Variants in EFCAB14 observed in about 807,000 individuals in gnomAD.
EFCAB14 encodes EF-hand calcium-binding domain-containing protein 14.
A neutral mutation model predicts 56.5 loss-of-function variants in EFCAB14; 43 were observed. The ratio of observed to expected loss-of-function variants is 0.76; its 90% CI spans 0.60 to 0.98. The LOEUF (loss-of-function observed/expected upper bound fraction) is 0.98, where lower values mean the gene tolerates loss of function less well. EFCAB14 is among the 50% of genes least tolerant of loss of function. EFCAB14 has a pLI of 0.00. For missense variants in EFCAB14, 538 were observed against 580.3 expected (o/e 0.93, Z 0.75); for synonymous variants, 235 against 212.9 (o/e 1.10, Z -0.90).
At chr1:46,692,388 T>C (rs1677007004) in intron 4 of EFCAB14, among the ~76,000 whole-genome samples, 1 of 152,238 alleles carries the variant, frequency 6.6e-6, no homozygotes, top group African/African-American at 2.4e-5. Context: ...ATTTGACTAT[T>C]ACAAATGAAG....
In EFCAB14 at chr1:46,709,930, T is replaced by C. The variant is rs900166881; in HGVS notation, c.335-1879A>G. On this transcript the variant is annotated intron_variant, in intron 2 of 10. Coordinates refer to ENST00000371933, the MANE Select transcript of EFCAB14 (RefSeq NM_014774.3). ...TTGAACCTGGGAGGTGGAGGTTGTG[T>C]TGAGCCAAGATCTTGCCACCGCACT... Among the ~76,000 whole-genome samples the C allele has an allele frequency of 9.9e-5, 15 of 152,050 alleles. No homozygotes were observed. The East Asian group carries it at 1.4e-3, about 14-fold the overall frequency.
intron 3 of EFCAB14, among the ~76,000 whole-genome samples, chr1:46,705,679 G>A (rs1475996095): frequency 6.6e-6 from 1 of 152,100 alleles, no homozygotes; most frequent in African/African-American, 2.4e-5. Context: ...GATAGGCTCT[G>A]GCCACTCATG....
In EFCAB14 at chr1:46,716,437, G is replaced by C. The variant is rs1157307455; in HGVS notation, c.192C>G (p.Asp64Glu). The part of the protein sequence containing the change: ...VGNRSRFAKG[D>E]YLRCCKICYP... ...AACAGATCTTGCAGCATCGTAAATA[G>C]TCTCCCCTGCTCAAGAGGACAAATT... Residue 64 changes from aspartate (D) to glutamate (E), a missense_variant, in exon 2 of 11, where the codon GAC becomes GAG. Asp to Glu is a conservative substitution (Grantham distance 45). Coordinates refer to ENST00000371933, the MANE Select transcript of EFCAB14 (RefSeq NM_014774.3). The C allele has an allele frequency of 6.2e-7, 1 of 1,613,816 alleles. No individual in the cohort carries two copies. Among genetic ancestry groups the C allele is most frequent in the Non-Finnish European group, 8.5e-7 (1 of 1,179,976 alleles).
At chr1:46,697,755 A>G (rs1439058916) in intron 3 of EFCAB14, among the ~76,000 whole-genome samples, 3 of 152,202 alleles carry the variant, frequency 2.0e-5, no homozygotes, top group Admixed American at 6.5e-5. Context: ...CTCTGCTCTC[A>G]TGGAGCATAC....
In EFCAB14 at chr1:46,676,777, C is replaced by A. The variant is rs1024602888; in HGVS notation, c.*1684G>T. 6.6e-6 allele frequency: 1 copy of A among 152,242 alleles called. No homozygotes were observed. The highest frequency in any genetic ancestry group is 1.5e-5 in the Non-Finnish European group (1 of 68,004). 9.4% of individuals were successfully genotyped at this position (152,242 alleles called of 1,614,324 possible). ...CTATAATGAGATAAGGGGACACATT[C>A]ATGGGAAAAGACTTCATCTTGCTTT... is the stretch of plus-strand genomic sequence containing the variant. On this transcript the variant is annotated 3_prime_UTR_variant, in exon 11 of 11. Coordinates refer to ENST00000371933, the MANE Select transcript of EFCAB14 (RefSeq NM_014774.3).
intron 2 of EFCAB14, among the ~76,000 whole-genome samples, chr1:46,714,560 G>C (rs1677358498): frequency 6.6e-6 from 1 of 152,164 alleles, no homozygotes; most frequent in Non-Finnish European, 1.5e-5. Context: ...GGGAGGCTGA[G>C]GCAGGCAGAT....
At position 46,678,251 on chromosome 1, in the gene EFCAB14, G is replaced by C. The variant is rs1482663317; in HGVS notation, c.*210C>G. ...AAAATGTAAGATCTTACTGGTTGTA[G>C]GAAATCATAGATTTCTGAACATCAT... On this transcript the variant is annotated 3_prime_UTR_variant, in exon 11 of 11. Transcript: ENST00000371933. The C allele has an allele frequency of 6.9e-6, 3 of 434,552 alleles. No homozygotes were observed. Among genetic ancestry groups the C allele is most frequent in the Admixed American group, 4.3e-5 (1 of 23,180 alleles). The allele number at this position is 434,552 out of a possible 1,614,324, so 26.9% of individuals were successfully genotyped here. A position where few individuals can be genotyped will look rare whatever the true frequency, so the allele number is the denominator to read the frequency against.
chr1:46,688,637 T>C (rs1369172321), intron 6 of EFCAB14, 93 bp from the exon 7 acceptor site: 2 of 1,072,154 alleles, frequency 1.9e-6, no homozygotes, highest in South Asian at 1.6e-5. Flanking sequence ...CTATGTCAAG[T>C]ACTGAAGTAA....
intron 2 of EFCAB14, among the ~76,000 whole-genome samples, chr1:46,708,257 A>C (rs1415318649): frequency 6.6e-6 from 1 of 152,216 alleles, no homozygotes; most frequent in Admixed American, 6.5e-5. Context: ...GCAACTTTTA[A>C]AAGTTAGCCA....
chr1:46,716,181 G>T, intron 2 of EFCAB14, 114 bp downstream of exon 2: 2 of 1,156,724 alleles, frequency 1.7e-6, no homozygotes, highest in Non-Finnish European at 2.4e-6. Context: ...CCTGGGTGGC[G>T]GATGTTGCAG....
At chr1:46,687,506 G>A (rs1212085702) in intron 7 of EFCAB14, among the ~76,000 whole-genome samples, 1 of 152,206 alleles carries the variant, frequency 6.6e-6, no homozygotes, top group African/African-American at 2.4e-5. Flanking sequence ...CAGTTCAAAT[G>A]CTGCTTTCCA....
At position 46,711,119 on chromosome 1, in the gene EFCAB14, T is replaced by C. The variant is rs1424161905; in HGVS notation, c.335-3068A>G. 2.0e-5 allele frequency among the ~76,000 whole-genome samples: 3 copies of C among 152,366 alleles called. No individual in the cohort carries two copies. In the East Asian group the frequency reaches 5.8e-4, roughly 29 times the overall value. ...TAAACATGGGGGTGTGGATGTTTCT[T>C]CCACATACTGATTTCCTTTTGCCCA... On this transcript the variant is annotated intron_variant, in intron 2 of 10. Coordinates refer to ENST00000371933, the MANE Select transcript of EFCAB14 (RefSeq NM_014774.3).
At chr1:46,713,401 T>A (rs1677339344) in intron 2 of EFCAB14, among the ~76,000 whole-genome samples, 1 of 152,232 alleles carries the variant, frequency 6.6e-6, no homozygotes, top group Admixed American at 6.5e-5. Flanking sequence ...CAGGGTATAA[T>A]TCTTGACATC....
At chr1:46,709,206 A>C (rs939365878) in intron 2 of EFCAB14, among the ~76,000 whole-genome samples, 50 of 152,322 alleles carry the variant, frequency 3.3e-4, no homozygotes, top group African/African-American at 1.2e-3. Flanking sequence ...TTATCACCTG[A>C]ATAAATATTT....
chr1:46,697,712 G>A (rs894647664), intron 3 of EFCAB14, among the ~76,000 whole-genome samples: 17 of 152,176 alleles, frequency 1.1e-4, no homozygotes, highest in Admixed American at 1.1e-3. Flanking sequence ...CAGTCATTGT[G>A]GAGACAGCAG....
intron 10 of EFCAB14, chr1:46,682,295 T>C (rs775203727): frequency 2.0e-5 from 3 of 152,138 alleles, no homozygotes; most frequent in Non-Finnish European, 2.9e-5. Flanking sequence ...GAATGGTATC[T>C]AGGCTAAAGA....
intron 3 of EFCAB14, among the ~76,000 whole-genome samples, chr1:46,699,284 T>A (rs1677119819): frequency 6.6e-6 from 1 of 152,202 alleles, no homozygotes; most frequent in Non-Finnish European, 1.5e-5. Context: ...AAGCAGGCAT[T>A]CTTTCTAGGT....
intron 2 of EFCAB14, among the ~76,000 whole-genome samples, chr1:46,713,976 C>G (rs887828749): frequency 7.9e-5 from 12 of 152,248 alleles, no homozygotes; most frequent in African/African-American, 2.9e-4. Context: ...ATATCATACT[C>G]TAAAAATTGG....
intron 9 of EFCAB14, 156 bp downstream of exon 9, chr1:46,684,335 C>T: frequency 1.6e-6 from 1 of 608,760 alleles, no homozygotes; most frequent in Non-Finnish European, 2.9e-6. Flanking sequence ...TGGGCCTTTT[C>T]TAAATGAAAG....
Sources: allele counts gnomAD v4.1 joint callset (sites outside exome capture counted in the v4.1 genomes callset), GRCh38; gene constraint gnomAD v4.1.1; transcripts MANE v1.5; gene names NCBI Gene and HGNC (gene_info 2026-07-23, HGNC 2026-07-21).